COX7B2: variants seen among roughly 807,000 people sequenced by gnomAD.
COX7B2 encodes cytochrome c oxidase subunit 7B2, also known as cytochrome c oxidase subunit 7B2, mitochondrial.
For synonymous variants in COX7B2, 37 were observed against 32.1 expected (o/e 1.15, Z -0.51); for missense variants, 109 against 95.9 (o/e 1.14, Z -0.57).
chr4:46,897,936 C>T (rs1174208166), intron 1 of COX7B2, among the ~76,000 whole-genome samples: 1 of 152,216 alleles, frequency 6.6e-6, no homozygotes, highest in Non-Finnish European at 1.5e-5. Flanking sequence ...GCTTCCCTAA[C>T]TATGCTGGCT....
intron 2 of COX7B2, among the ~76,000 whole-genome samples, chr4:46,747,834 G>T (rs967255039): frequency 2.0e-5 from 3 of 151,992 alleles, no homozygotes; most frequent in African/African-American, 7.3e-5. Context: ...TTTTAATCTT[G>T]ATTGAACATC....
chr4:46,847,980 T>A (rs568925263), intron 1 of COX7B2, among the ~76,000 whole-genome samples: 1 of 152,056 alleles, frequency 6.6e-6, no homozygotes, highest in South Asian at 2.1e-4. Flanking sequence ...AGCCAGAAAG[T>A]GTTTCTGTTC....
chr4:46,784,312 T>G (rs1398273560), intron 2 of COX7B2, among the ~76,000 whole-genome samples: 1 of 152,116 alleles, frequency 6.6e-6, no homozygotes, highest in Non-Finnish European at 1.5e-5. Context: ...TAATTTAGCC[T>G]TAGACATTAA....
intron 2 of COX7B2, among the ~76,000 whole-genome samples, chr4:46,797,155 C>G (rs999096938): frequency 7.6e-6 from 1 of 131,776 alleles, no homozygotes; most frequent in African/African-American, 2.8e-5. Flanking sequence ...AGGAAGGATT[C>G]TGGTACACTA....
intron 2 of COX7B2, among the ~76,000 whole-genome samples, chr4:46,802,743 T>G (rs901700029): frequency 1.1e-4 from 17 of 152,182 alleles, no homozygotes; most frequent in Non-Finnish European, 1.9e-4. Context: ...ATGCATTGGT[T>G]ATTTTGTAAG....
intron 1 of COX7B2, among the ~76,000 whole-genome samples, chr4:46,851,500 TTACATAACAAAAG>T (rs1318706097): frequency 3.3e-5 from 5 of 152,160 alleles, no homozygotes; most frequent in African/African-American, 1.2e-4. Flanking sequence ...TATTAACAAC[TTACATAACAAAAG>T]TACAGGAAAT....
chr4:46,823,457 G>A (rs562687096), intron 2 of COX7B2, among the ~76,000 whole-genome samples: 32 of 151,268 alleles, frequency 2.1e-4, no homozygotes, highest in Admixed American at 1.6e-3. Context: ...ATCAATAACA[G>A]AAAGACATCT....
intron 2 of COX7B2, among the ~76,000 whole-genome samples, chr4:46,830,863 A>C (rs966811494): frequency 6.6e-6 from 1 of 152,356 alleles, no homozygotes; most frequent in South Asian, 2.1e-4. Context: ...AGAAAGTGAG[A>C]GGTGACAGCA....
At chr4:46,801,615 G>A (rs530391064) in intron 2 of COX7B2, among the ~76,000 whole-genome samples, 1 of 152,104 alleles carries the variant, frequency 6.6e-6, no homozygotes, top group Non-Finnish European at 1.5e-5. Context: ...CCTATAGGGT[G>A]TTATGCCCAC....
chr4:46,903,459 G>C (rs1720187542), intron 1 of COX7B2, among the ~76,000 whole-genome samples: 1 of 144,540 alleles, frequency 6.9e-6, no homozygotes, highest in South Asian at 2.2e-4. Flanking sequence ...CAATTACTTA[G>C]TTTTTTTTTT....
At chr4:46,880,412 C>CTTT (rs548281459) in intron 1 of COX7B2, among the ~76,000 whole-genome samples, 60 of 85,608 alleles carry the variant, frequency 7.0e-4, no homozygotes, top group East Asian at 2.6e-3. Flanking sequence ...AGGTCCTGGG[C>CTTT]TTTTTTTTTT....
At chr4:46,878,084 C>T (rs1718457960) in intron 1 of COX7B2, among the ~76,000 whole-genome samples, 1 of 151,856 alleles carries the variant, frequency 6.6e-6, no homozygotes. Context: ...TAATAACTGC[C>T]ATTTTCTATG....
At chr4:46,892,830 T>G (rs764336929) in intron 1 of COX7B2, among the ~76,000 whole-genome samples, 1 of 152,148 alleles carries the variant, frequency 6.6e-6, no homozygotes, top group African/African-American at 2.4e-5. Context: ...GTAGTTCCCA[T>G]AAGTGTCGCA....
At chr4:46,801,669 T>C (rs541853415) in intron 2 of COX7B2, among the ~76,000 whole-genome samples, 6 of 152,198 alleles carry the variant, frequency 3.9e-5, no homozygotes, top group African/African-American at 1.4e-4. Context: ...CCCAGCAACA[T>C]ACAATTTACC....
chr4:46,748,049 G>A (rs10938456), intron 2 of COX7B2, among the ~76,000 whole-genome samples: 49,742 of 151,880 alleles, frequency 0.33, 8,410 homozygotes, highest in South Asian at 0.47. Context: ...AGTTCATGAT[G>A]TTGCATCAAC....
intron 2 of COX7B2, among the ~76,000 whole-genome samples, chr4:46,787,695 A>G (rs1717823837): frequency 6.6e-6 from 1 of 152,202 alleles, no homozygotes; most frequent in African/African-American, 2.4e-5. Flanking sequence ...TGTCTAGCAG[A>G]GCCTTGATAC....
intron 2 of COX7B2, among the ~76,000 whole-genome samples, chr4:46,807,679 AC>A (rs1719073840): frequency 6.6e-6 from 1 of 151,674 alleles, no homozygotes; most frequent in Non-Finnish European, 1.5e-5. Context: ...TTTTGGGTTG[AC>A]TTTTTGTGTA....
chr4:46,894,678 A>C (rs546166673), intron 1 of COX7B2, among the ~76,000 whole-genome samples: 1 of 152,214 alleles, frequency 6.6e-6, no homozygotes, highest in African/African-American at 2.4e-5. Flanking sequence ...CAGCAAAAGA[A>C]ACCATCAACA....
chr4:46,853,700 T>G (rs1716842823), intron 1 of COX7B2, among the ~76,000 whole-genome samples: 2 of 152,216 alleles, frequency 1.3e-5, no homozygotes, highest in African/African-American at 4.8e-5. Context: ...CTAACATCAG[T>G]ATTTGTTTTA....
Sources: gnomAD v4.1 joint callset for allele counts (sites outside exome capture counted in the v4.1 genomes callset) on GRCh38, gnomAD v4.1.1 for gene constraint, MANE v1.5 for transcripts, NCBI Gene and HGNC (gene_info 2026-07-23, HGNC 2026-07-21) for gene names.